The following RARB variants were observed in gnomAD, a reference collection of about 807,000 sequenced individuals.
RARB encodes HBV-activated protein.
Under a neutral mutation model 51.9 loss-of-function variants are expected in RARB, and 17 were observed. The ratio of observed to expected loss-of-function variants is 0.33; its 90% CI spans 0.22 to 0.49. The LOEUF is 0.49. RARB is among the 20% of genes least tolerant of loss of function. The pLI is 0.99. For missense variants in RARB, 369 were observed against 550.8 expected (o/e 0.67, Z 3.30); for synonymous variants, 215 against 195.4 (o/e 1.10, Z -0.84).
At chr3:24,885,658 G>T (rs1703253032) in intron 2 of RARB, among the ~76,000 whole-genome samples, 1 of 152,184 alleles carries the variant, frequency 6.6e-6, no homozygotes, top group Admixed American at 6.5e-5. Flanking sequence ...GCAGTGTCCA[G>T]TGTTAAGATT....
intron 2 of RARB, among the ~76,000 whole-genome samples, chr3:24,919,790 A>G (rs182686609): frequency 1.3e-5 from 2 of 152,288 alleles, no homozygotes; most frequent in African/African-American, 4.8e-5. Context: ...ATTTCTTCTC[A>G]TCAGACTTTT....
intron 2 of RARB, among the ~76,000 whole-genome samples, chr3:25,016,992 A>G (rs1697523752): frequency 6.6e-6 from 1 of 152,180 alleles, no homozygotes; most frequent in Non-Finnish European, 1.5e-5. Flanking sequence ...TAGAAGACAC[A>G]TAGCATCATT....
At chr3:25,406,480 G>T (rs1173672504) in intron 5 of RARB, among the ~76,000 whole-genome samples, 1 of 152,198 alleles carries the variant, frequency 6.6e-6, no homozygotes, top group East Asian at 1.9e-4. Context: ...CTTGCAGCTG[G>T]CTGCCTTCTC....
At chr3:25,063,728 A>T (rs1698599232) in intron 3 of RARB, among the ~76,000 whole-genome samples, 1 of 151,372 alleles carries the variant, frequency 6.6e-6, no homozygotes, top group South Asian at 2.1e-4. Context: ...TTTTTTTTAA[A>T]AAGATGAGGA....
chr3:25,135,413 C>G (rs1700017200), intron 4 of RARB, among the ~76,000 whole-genome samples: 1 of 151,854 alleles, frequency 6.6e-6, no homozygotes, highest in Non-Finnish European at 1.5e-5. Flanking sequence ...ACCTGGATAT[C>G]TGATATTTAG....
chr3:25,513,672 A>ACACACACACACACACACG (rs1371514882), intron 3 of RARB, among the ~76,000 whole-genome samples: 2 of 152,076 alleles, frequency 1.3e-5, no homozygotes, highest in African/African-American at 4.8e-5. Context: ...ACACACACAC[A>ACACACACACACACACACG]CACACACACA....
At chr3:25,394,936 A>C (rs1707075812) in intron 5 of RARB, among the ~76,000 whole-genome samples, 1 of 152,138 alleles carries the variant, frequency 6.6e-6, no homozygotes, top group South Asian at 2.1e-4. Context: ...TATTCTGTTC[A>C]TTGTGCTAGT....
At chr3:25,504,199 T>G (rs942097607) in intron 3 of RARB, among the ~76,000 whole-genome samples, 4 of 152,244 alleles carry the variant, frequency 2.6e-5, no homozygotes, top group Admixed American at 1.3e-4. Context: ...TGTTTGTTTT[T>G]GGGGCATTGT....
At chr3:25,265,064 T>G (rs1703092331) in intron 5 of RARB, among the ~76,000 whole-genome samples, 1 of 152,188 alleles carries the variant, frequency 6.6e-6, no homozygotes, top group African/African-American at 2.4e-5. Flanking sequence ...ACACAAAATC[T>G]GCCAATGCCT....
At chr3:24,866,074 G>C (rs545257841) in intron 2 of RARB, among the ~76,000 whole-genome samples, 1 of 152,156 alleles carries the variant, frequency 6.6e-6, no homozygotes, top group African/African-American at 2.4e-5. Flanking sequence ...ATTTTAAGGT[G>C]GTTAGCTGCG....
intron 2 of RARB, among the ~76,000 whole-genome samples, chr3:24,866,505 A>C (rs1234537752): frequency 6.6e-6 from 1 of 152,150 alleles, no homozygotes; most frequent in Non-Finnish European, 1.5e-5. Flanking sequence ...CCAGCATGCC[A>C]CACAGCATGG....
intron 5 of RARB, among the ~76,000 whole-genome samples, chr3:25,394,511 A>T (rs951822727): frequency 6.6e-6 from 1 of 152,030 alleles, no homozygotes; most frequent in East Asian, 1.9e-4. Context: ...AAGTCCCCCA[A>T]CTATTATTGT....
rs564818700 is a variant in RARB at position 25,559,701 on chromosome 3, AAGAT to A, written c.449-10052_449-10049del. On this transcript the variant is annotated intron_variant, in intron 3 of 7. Transcript: ENST00000330688. The stretch of plus-strand genomic sequence containing the variant: ...TTGGTTGGATCGATGGATGGATAGG[AAGAT>A]AGATGGATTGATGAATGGACAGAGA... Among the ~76,000 whole-genome samples, 15 of 152,292 alleles carry A rather than the reference AAGAT, an allele frequency of 9.8e-5. No homozygotes were observed. In the South Asian group the frequency reaches 2.9e-3, roughly 29 times the overall value.
chr3:25,592,107 G>A (rs1387247726), intron 5 of RARB, among the ~76,000 whole-genome samples: 1 of 152,164 alleles, frequency 6.6e-6, no homozygotes, highest in Non-Finnish European at 1.5e-5. Flanking sequence ...AGACCTGATG[G>A]GAATATGGGC....
chr3:25,238,697 T>C (rs1327774064), intron 5 of RARB, among the ~76,000 whole-genome samples: 1 of 152,104 alleles, frequency 6.6e-6, no homozygotes, highest in African/African-American at 2.4e-5. Context: ...TAATAATACC[T>C]GTGGGCTGGG....
intron 5 of RARB, among the ~76,000 whole-genome samples, chr3:25,202,950 T>C (rs1250690586): frequency 6.6e-6 from 1 of 152,196 alleles, no homozygotes; most frequent in Non-Finnish European, 1.5e-5. Flanking sequence ...GTCTATTAGG[T>C]CTGCTTGGTG....
At chr3:25,386,062 C>A (rs999548027) in intron 5 of RARB, among the ~76,000 whole-genome samples, 4 of 152,180 alleles carry the variant, frequency 2.6e-5, no homozygotes, top group Admixed American at 6.5e-5. Flanking sequence ...GAGTTTCTGT[C>A]CCTTGTAACC....
At chr3:24,967,497 G>A (rs1023563714) in intron 2 of RARB, among the ~76,000 whole-genome samples, 1 of 152,116 alleles carries the variant, frequency 6.6e-6, no homozygotes, top group Non-Finnish European at 1.5e-5. Context: ...ATCTCTGACA[G>A]TACCAAGTGT....
At chr3:25,411,959 C>T (rs1200629700) in intron 5 of RARB, among the ~76,000 whole-genome samples, 3 of 152,124 alleles carry the variant, frequency 2.0e-5, no homozygotes, top group Admixed American at 1.3e-4. Flanking sequence ...AAGCAGCTGA[C>T]GTTGGGGAAA....
Sources: allele counts gnomAD v4.1 joint callset (sites outside exome capture counted in the v4.1 genomes callset), GRCh38; gene constraint gnomAD v4.1.1; transcripts MANE v1.5; gene names NCBI Gene and HGNC (gene_info 2026-07-23, HGNC 2026-07-21).